GAGE2A: variants seen among roughly 807,000 people sequenced by gnomAD.
GAGE2A encodes the protein G antigen 2A/2B.
intron 3 of GAGE2A, among the ~76,000 whole-genome samples, chrX:49,591,616 G>C (rs1292919805): frequency 1.6e-4 from 16 of 98,856 alleles, no homozygotes; most frequent in African/African-American, 4.7e-4. Context: ...TACAACATTT[G>C]TACTGTGTTC....
intron 3 of GAGE2A, among the ~76,000 whole-genome samples, 170 bp downstream of exon 3, chrX:49,591,487 T>A (rs2066598439): frequency 1.0e-5 from 1 of 98,298 alleles, no homozygotes; most frequent in South Asian, 5.2e-4. Context: ...GCGAGGAGGC[T>A]ATGTAGTTTG....
At chrX:49,591,632 T>G (rs1371583976) in intron 3 of GAGE2A, among the ~76,000 whole-genome samples, 1 of 94,517 alleles carries the variant, frequency 1.1e-5, no homozygotes, top group East Asian at 3.2e-4. Flanking sequence ...TGTTCCAAGG[T>G]TTGTGTCTTC....
At chrX:49,591,648 A>G (rs1390520746) in intron 3 of GAGE2A, among the ~76,000 whole-genome samples, 1 of 82,936 alleles carries the variant, frequency 1.2e-5, no homozygotes, top group Admixed American at 1.2e-4. Flanking sequence ...TCTTCCTATC[A>G]TGTATGTTGC....
At chrX:49,591,517 C>G (rs2066598688) in intron 3 of GAGE2A, among the ~76,000 whole-genome samples, 200 bp downstream of exon 3, 2 of 99,982 alleles carry the variant, frequency 2.0e-5, no homozygotes, top group South Asian at 1.0e-3. Context: ...TTAGGCAAAT[C>G]CCTCACTATG....
intron 1 of GAGE2A, among the ~76,000 whole-genome samples, chrX:49,590,036 T>G (rs1557130116): frequency 8.7e-6 from 1 of 114,376 alleles, no homozygotes; most frequent in African/African-American, 3.2e-5. Flanking sequence ...TGAGAAGCAC[T>G]GCAAGGTCTC....
intron 3 of GAGE2A, among the ~76,000 whole-genome samples, chrX:49,591,575 G>T (rs1420085987): frequency 1.1e-4 from 11 of 100,130 alleles, no homozygotes; most frequent in African/African-American, 3.6e-4. Flanking sequence ...TGCCAGGGTT[G>T]TGTGTTATCC....
At chrX:49,589,677 G>A (rs376119760) in intron 1 of GAGE2A, 74 bp downstream of exon 1, 5,325 of 85,867 alleles carry the variant, frequency 0.062, no homozygotes, top group East Asian at 0.12. Flanking sequence ...TGGGTCAGGC[G>A]GGTCCCGCTT....
intron 1 of GAGE2A, among the ~76,000 whole-genome samples, chrX:49,589,845 G>A (rs2066586315): frequency 8.9e-6 from 1 of 112,895 alleles, no homozygotes; most frequent in African/African-American, 3.3e-5. Flanking sequence ...GTGAAGACGG[G>A]GTGAGTGCTG....
intron 2 of GAGE2A, 32 bp from the exon 3 acceptor site, chrX:49,591,165 T>A (rs1376306379): frequency 1.1e-6 from 1 of 907,644 alleles, no homozygotes; most frequent in Admixed American, 2.5e-5. Flanking sequence ...CGAAACTTAT[T>A]TTTTATTTGC....
chrX:49,591,616 G>T (rs1292919805), intron 3 of GAGE2A, among the ~76,000 whole-genome samples: 3 of 98,841 alleles, frequency 3.0e-5, no homozygotes, highest in South Asian at 1.0e-3. Flanking sequence ...TACAACATTT[G>T]TACTGTGTTC....
chrX:49,591,669 G>A (rs1206158011), intron 3 of GAGE2A, among the ~76,000 whole-genome samples: 2 of 73,361 alleles, frequency 2.7e-5, no homozygotes, highest in Admixed American at 1.4e-4. Flanking sequence ...TGTAAAGAAG[G>A]AAGTGATTTT....
At chrX:49,591,933 TTAACGTGAGATG>T (rs2066601033) in intron 3 of GAGE2A, among the ~76,000 whole-genome samples, 1 of 7,343 alleles carries the variant, frequency 1.4e-4, no homozygotes, top group Admixed American at 1.1e-3. Flanking sequence ...TATCCTGAGA[TTAACGTGAGATG>T]GAAATAATTT....
At chrX:49,590,194 T>C (rs1261064519) in intron 1 of GAGE2A, among the ~76,000 whole-genome samples, 2 of 114,311 alleles carry the variant, frequency 1.7e-5, no homozygotes, top group African/African-American at 6.4e-5. Context: ...TTCACTAGGG[T>C]TTTCGTGGGG....
At chrX:49,590,052 C>T (rs1286687625) in intron 1 of GAGE2A, among the ~76,000 whole-genome samples, 3 of 114,261 alleles carry the variant, frequency 2.6e-5, no homozygotes, top group African/African-American at 3.2e-5. Flanking sequence ...GTCTCACCTC[C>T]GCCATGGAAG....
chrX:49,589,919 G>T (rs1258019132), intron 1 of GAGE2A, among the ~76,000 whole-genome samples: 7 of 111,443 alleles, frequency 6.3e-5, no homozygotes, highest in African/African-American at 2.3e-4. Context: ...TCCCTGAATG[G>T]GGCCCCCGGC....
intron 1 of GAGE2A, among the ~76,000 whole-genome samples, chrX:49,589,931 G>A (rs1305822041): frequency 8.8e-6 from 1 of 114,212 alleles, no homozygotes; most frequent in African/African-American, 3.2e-5. Flanking sequence ...GCCCCCGGCG[G>A]GGGCGAGGCA....
chrX:49,589,937 A>G (rs1371411045), intron 1 of GAGE2A, among the ~76,000 whole-genome samples: 2 of 114,168 alleles, frequency 1.8e-5, no homozygotes, highest in African/African-American at 6.4e-5. Flanking sequence ...GGCGGGGGCG[A>G]GGCAGGCGGT....
chrX:49,591,387 C>CGTGTGTGT (rs60862992), intron 3 of GAGE2A, 70 bp downstream of exon 3: 237 of 910,765 alleles, frequency 2.6e-4, no homozygotes, highest in Middle Eastern at 8.6e-4. Context: ...TGTGTGTGCA[C>CGTGTGTGT]GTGTGTGTGT....
chrX:49,590,936 C>T (rs79961944), intron 2 of GAGE2A, among the ~76,000 whole-genome samples: 14,383 of 80,451 alleles, frequency 0.18, no homozygotes, highest in Non-Finnish European at 0.28. Flanking sequence ...CTTCTTTCTC[C>T]GGCTTTGTTT....
Sources: allele counts gnomAD v4.1 joint callset (sites outside exome capture counted in the v4.1 genomes callset), GRCh38; gene constraint gnomAD v4.1.1; transcripts MANE v1.5; gene names NCBI Gene and HGNC (gene_info 2026-07-23, HGNC 2026-07-21).